Variants in KLHL29 observed in about 807,000 individuals in gnomAD.
KLHL29 encodes the protein kelch like family member 29, also known as kelch-like protein 29.
Under a neutral mutation model 80.4 loss-of-function variants are expected in KLHL29, and 21 were observed. The observed-to-expected ratio is 0.26, with a 90% CI of 0.19 to 0.38. The LOEUF is 0.38. Among genes scored for constraint, KLHL29 ranks in the 10% least tolerant of loss-of-function variants. The pLI is 1.00. For synonymous variants in KLHL29, 511 were observed against 526.8 expected, an observed-to-expected ratio of 0.97 and a Z score of 0.41; for missense variants, 867 against 1,223.9, an observed-to-expected ratio of 0.71 and a Z score of 4.35.
intron 2 of KLHL29, among the ~76,000 whole-genome samples, chr2:23,514,496 T>C (rs1665864756): frequency 6.6e-6 from 1 of 152,186 alleles, no homozygotes; most frequent in African/African-American, 2.4e-5. Context: ...TTCCTCATTC[T>C]CCACCATCCT....
chr2:23,517,441 G>T (rs1171322067), intron 2 of KLHL29, among the ~76,000 whole-genome samples: 1 of 152,190 alleles, frequency 6.6e-6, no homozygotes, highest in East Asian at 1.9e-4. Context: ...TACTCAGGAG[G>T]CTGAGGTAGG....
At chr2:23,484,026 A>G (rs1237698155) in intron 2 of KLHL29, among the ~76,000 whole-genome samples, 5 of 152,168 alleles carry the variant, frequency 3.3e-5, no homozygotes, top group Non-Finnish European at 5.9e-5. Flanking sequence ...CCACTCAGGA[A>G]GAGAACTGAA....
chr2:23,638,992 T>C (rs1572457438), intron 3 of KLHL29, 147 bp from the exon 4 acceptor site: 2 of 688,422 alleles, frequency 2.9e-6, no homozygotes, highest in Non-Finnish European at 4.5e-6. Flanking sequence ...GGTGGAGGGC[T>C]GAGGCTCTGC....
Position 23,552,761 on chromosome 2 carries a change from C to CTTTTTTTTT in KLHL29, c.-45-9382_-45-9374dup, listed in dbSNP as rs60558023. Among the ~76,000 whole-genome samples, 273 of 95,522 alleles carry CTTTTTTTTT rather than the reference C, an allele frequency of 2.9e-3. 42 individuals carry two copies. Among genetic ancestry groups the CTTTTTTTTT allele is most frequent in the African/African-American group, 0.012 (244 of 21,194 alleles). The allele number at this position is 95,522 out of a possible 152,430, so 62.7% of individuals were successfully genotyped here. Reference sequence around the variant, plus strand: ...CACGGCTATAGCTCTGGTTTCTTTTCTTTTTTTTTTTTTTTTTGAGATGGC... The same window carrying CTTTTTTTTT: ...CACGGCTATAGCTCTGGTTTCTTTTCTTTTTTTTTTTTTTTTTTTTTTTTTTGAGATGGC... On this transcript the variant is annotated intron_variant, in intron 2 of 13. Transcript: ENST00000486442.
At chr2:23,442,244 C>T (rs1437862547) in intron 1 of KLHL29, among the ~76,000 whole-genome samples, 1 of 152,118 alleles carries the variant, frequency 6.6e-6, no homozygotes, top group Non-Finnish European at 1.5e-5. Context: ...ACTTGTGCCA[C>T]CATGCCCAGC....
intron 3 of KLHL29, chr2:23,616,720 G>A (rs1025864265): frequency 2.0e-5 from 3 of 152,174 alleles, no homozygotes; most frequent in African/African-American, 4.8e-5. Context: ...ATGAGCGAAC[G>A]GGTTCAGAGA....
At chr2:23,586,855 C>T (rs956031169) in intron 3 of KLHL29, among the ~76,000 whole-genome samples, 8 of 152,246 alleles carry the variant, frequency 5.3e-5, no homozygotes, top group East Asian at 3.9e-4. Context: ...CTTCCCCCCA[C>T]GGGCACTGCC....
At chr2:23,571,909 C>G (rs1380489651) in intron 3 of KLHL29, among the ~76,000 whole-genome samples, 1 of 152,214 alleles carries the variant, frequency 6.6e-6, no homozygotes, top group African/African-American at 2.4e-5. Flanking sequence ...TCCCAAGCAA[C>G]AGCCGTGGGT....
chr2:23,701,251 T>G (rs1479662277), intron 11 of KLHL29, among the ~76,000 whole-genome samples: 1 of 151,968 alleles, frequency 6.6e-6, no homozygotes, highest in African/African-American at 2.4e-5. Flanking sequence ...CTCATACTCT[T>G]TTGTCATTCC....
chr2:23,602,172 G>A (rs1349019676), intron 3 of KLHL29, among the ~76,000 whole-genome samples: 1 of 152,188 alleles, frequency 6.6e-6, no homozygotes, highest in Non-Finnish European at 1.5e-5. Context: ...GACAGCCAGA[G>A]TGTAGGGCCT....
At chr2:23,396,714 C>T (rs888635534) in intron 1 of KLHL29, among the ~76,000 whole-genome samples, 3 of 152,170 alleles carry the variant, frequency 2.0e-5, no homozygotes, top group East Asian at 1.9e-4. Context: ...ATACAGACTG[C>T]GAAAGGAACA....
chr2:23,673,737 A>T (rs1170131649), intron 5 of KLHL29, among the ~76,000 whole-genome samples: 2 of 98,202 alleles, frequency 2.0e-5, no homozygotes, highest in Non-Finnish European at 5.2e-5. Context: ...GCACATACAC[A>T]GGGGTGCATG....
intron 7 of KLHL29, among the ~76,000 whole-genome samples, chr2:23,692,126 C>G (rs1417692704): frequency 6.6e-6 from 1 of 152,204 alleles, no homozygotes; most frequent in Admixed American, 6.5e-5. Context: ...ATACTGTGCC[C>G]CGCCAGGCCT....
At chr2:23,394,438 G>A (rs2103384448) in intron 1 of KLHL29, among the ~76,000 whole-genome samples, 1 of 152,278 alleles carries the variant, frequency 6.6e-6, no homozygotes, top group Non-Finnish European at 1.5e-5. Flanking sequence ...ACTTCACAGT[G>A]GTGGTATTGC....
At chr2:23,550,319 A>G (rs912189878) in intron 2 of KLHL29, among the ~76,000 whole-genome samples, 2 of 152,038 alleles carry the variant, frequency 1.3e-5, no homozygotes, top group Non-Finnish European at 2.9e-5. Context: ...CCAGAACAGG[A>G]AGTGGGCTAC....
intron 1 of KLHL29, among the ~76,000 whole-genome samples, chr2:23,387,186 G>A (rs572713404): frequency 6.6e-6 from 1 of 152,240 alleles, no homozygotes; most frequent in Admixed American, 6.5e-5. Flanking sequence ...GGACCAGACC[G>A]TGGAGGACGC....
chr2:23,657,096 G>A (rs1390074537), intron 5 of KLHL29, among the ~76,000 whole-genome samples: 3 of 152,096 alleles, frequency 2.0e-5, no homozygotes, highest in East Asian at 3.9e-4. Context: ...CAGAAGTGGG[G>A]TCCTCTGAGG....
chr2:23,492,636 G>T (rs1448213587), intron 2 of KLHL29, among the ~76,000 whole-genome samples: 1 of 152,220 alleles, frequency 6.6e-6, no homozygotes, highest in Non-Finnish European at 1.5e-5. Flanking sequence ...TCCATCTGGG[G>T]CTGGGTCCTT....
intron 3 of KLHL29, among the ~76,000 whole-genome samples, chr2:23,578,320 T>G (rs1667893636): frequency 6.6e-6 from 1 of 152,240 alleles, no homozygotes; most frequent in South Asian, 2.1e-4. Flanking sequence ...AGATTCAAAC[T>G]GTCCAAGATT....
Sources: allele counts gnomAD v4.1 joint callset (sites outside exome capture counted in the v4.1 genomes callset), GRCh38; gene constraint gnomAD v4.1.1; transcripts MANE v1.5; gene names NCBI Gene and HGNC (gene_info 2026-07-23, HGNC 2026-07-21).